Variants in GFRAL observed in about 807,000 individuals in gnomAD.
GFRAL encodes the protein GDNF family receptor alpha-like.
GFRAL carries 36 observed loss-of-function variants against 45.4 expected under a neutral mutation model. That is an observed-to-expected ratio of 0.79 (90% confidence interval 0.61 to 1.05). The LOEUF (loss-of-function observed/expected upper bound fraction) is 1.05, where lower values mean the gene tolerates loss of function less well. Among genes scored for constraint, GFRAL ranks in the 50% least tolerant of loss-of-function variants. The pLI is 0.00. For synonymous variants in GFRAL, 166 were observed against 154.1 expected (o/e 1.08, Z -0.57); for missense variants, 507 against 467.5 (o/e 1.08, Z -0.78).
chr6:55,372,504 T>C (rs1390740448), intron 6 of GFRAL, among the ~76,000 whole-genome samples: 3 of 152,186 alleles, frequency 2.0e-5, no homozygotes, highest in East Asian at 1.9e-4. Context: ...AGCATTAACA[T>C]TGGTCATTTA....
At chr6:55,362,061 A>G (rs1768283010) in intron 6 of GFRAL, among the ~76,000 whole-genome samples, 1 of 151,986 alleles carries the variant, frequency 6.6e-6, no homozygotes, top group African/African-American at 2.4e-5. Context: ...ATTGTTCCCC[A>G]ATGCTGACCA....
rs778778648 is a variant in GFRAL, at chr6:55,401,887, C to T, written c.*34C>T. On this transcript the variant is annotated 3_prime_UTR_variant, in exon 9 of 9. Coordinates refer to ENST00000340465, the MANE Select transcript of GFRAL (RefSeq NM_207410.2). ...GAGTCATGGACCTATAACAATCACT[C>T]TTTTCTCTGCTTTTCTTCTTTCCTC... is the stretch of plus-strand genomic sequence containing the variant. The T allele has an allele frequency of 1.6e-5, 17 of 1,079,890 alleles. No homozygotes were observed. Among genetic ancestry groups the T allele is most frequent in the Admixed American group, 1.8e-5 (1 of 56,738 alleles). 66.9% of individuals were successfully genotyped at this position (1,079,890 alleles called of 1,614,324 possible). A position where few individuals can be genotyped will look rare whatever the true frequency, so the allele number is the denominator to read the frequency against.
chr6:55,390,661 G>A (rs565771621), intron 6 of GFRAL, among the ~76,000 whole-genome samples: 13 of 152,020 alleles, frequency 8.6e-5, no homozygotes, highest in Admixed American at 1.3e-4. Context: ...AGACCAAGGC[G>A]GGCGGATCAC....
At chr6:55,390,350 A>T (rs1279018960) in intron 6 of GFRAL, among the ~76,000 whole-genome samples, 1 of 152,170 alleles carries the variant, frequency 6.6e-6, no homozygotes, top group East Asian at 1.9e-4. Context: ...AAAAACAAAG[A>T]TTGATTTCTA....
rs1181096832 is a variant in GFRAL, at chr6:55,401,795, C to G, written c.1127C>G (p.Ser376Cys). Residue 376 changes from serine to cysteine, a missense_variant, in exon 9 of 9, where the codon TCC (serine) becomes TGC (cysteine). By Grantham distance (112) the Ser-to-Cys change is moderately radical (BLOSUM62 -1). Coordinates refer to ENST00000340465, the MANE Select transcript of GFRAL (RefSeq NM_207410.2). ...TTTACTTTTATTTTATACAGAACTT[C>G]CAGAATATCAAGTAAAGCAAGAGAT... is the stretch of plus-strand genomic sequence containing the variant. ...LLLVMVKLRT[S>C]RISSKARDPS... 6.0e-6 allele frequency: 9 copies of G among 1,507,310 alleles called. No individual in the cohort carries two copies. The highest frequency in any genetic ancestry group is 3.4e-4 in the Middle Eastern group (2 of 5,850). 93.4% of individuals were successfully genotyped at this position (1,507,310 alleles called of 1,614,324 possible). A position where few individuals can be genotyped will look rare whatever the true frequency, so the allele number is the denominator to read the frequency against.
chr6:55,390,895 T>TACACACACAC (rs34769114), intron 6 of GFRAL, among the ~76,000 whole-genome samples: 1,943 of 135,526 alleles, frequency 0.014, 52 homozygotes, highest in African/African-American at 0.049. Context: ...CTCACACACA[T>TACACACACAC]ACACACACAC....
intron 6 of GFRAL, among the ~76,000 whole-genome samples, chr6:55,387,437 G>A (rs1768694095): frequency 6.6e-6 from 1 of 152,124 alleles, no homozygotes; most frequent in South Asian, 2.1e-4. Flanking sequence ...TTTATTATGA[G>A]CATGTGTATT....
At chr6:55,359,627 G>C (rs9475260) in intron 6 of GFRAL, among the ~76,000 whole-genome samples, 17,077 of 151,904 alleles carry the variant, frequency 0.11, 1,049 homozygotes, top group African/African-American at 0.16. Flanking sequence ...CTCGGCTGAG[G>C]CTGTTTGGTC....
At chr6:55,390,061 G>T (rs1561867028) in intron 6 of GFRAL, among the ~76,000 whole-genome samples, 1 of 152,334 alleles carries the variant, frequency 6.6e-6, no homozygotes, top group Admixed American at 6.5e-5. Context: ...AGAAGGGAAA[G>T]CCTTCCTATT....
chr6:55,367,377 G>T (rs866661601), intron 6 of GFRAL, among the ~76,000 whole-genome samples: 4 of 143,396 alleles, frequency 2.8e-5, no homozygotes, highest in South Asian at 4.4e-4. Context: ...CACGCTGATG[G>T]GTCTTGACTC....
At chr6:55,366,447 C>A (rs1033046369) in intron 6 of GFRAL, among the ~76,000 whole-genome samples, 1 of 144,670 alleles carries the variant, frequency 6.9e-6, no homozygotes, top group African/African-American at 2.6e-5. Flanking sequence ...TCCTTCAGTT[C>A]TGCTCTGATT....
At chr6:55,362,129 C>A (rs1484510772) in intron 6 of GFRAL, among the ~76,000 whole-genome samples, 1 of 151,758 alleles carries the variant, frequency 6.6e-6, no homozygotes, top group Non-Finnish European at 1.5e-5. Context: ...GTTTCAAAAA[C>A]ACTTTCTTGG....
intron 5 of GFRAL, among the ~76,000 whole-genome samples, chr6:55,356,776 C>T (rs62419071): frequency 0.16 from 24,819 of 151,486 alleles, 2,348 homozygotes; most frequent in African/African-American, 0.25. Context: ...CTTTAAGATG[C>T]GTTGCTAAGT....
At chr6:55,352,426 G>A (rs13203638) in intron 5 of GFRAL, among the ~76,000 whole-genome samples, 50,225 of 151,864 alleles carry the variant, frequency 0.33, 10,098 homozygotes, top group Non-Finnish European at 0.47. Context: ...GATCTTGCAA[G>A]GAAGAGTCTG....
At chr6:55,338,906 A>G (rs1489560260) in intron 3 of GFRAL, among the ~76,000 whole-genome samples, 1 of 152,160 alleles carries the variant, frequency 6.6e-6, no homozygotes, top group Admixed American at 6.6e-5. Flanking sequence ...GCTATTACAT[A>G]TTTTAAATAG....
In GFRAL at chr6:55,366,291, C is replaced by G. The variant is rs190147832; in HGVS notation, c.952+7153C>G. Among the ~76,000 whole-genome samples the G allele has an allele frequency of 4.3e-3, 646 of 151,942 alleles. 6 individuals are homozygous for G. Among genetic ancestry groups the G allele is most frequent in the African/African-American group, 0.015 (616 of 41,432 alleles). On this transcript the variant is annotated intron_variant, in intron 6 of 8. Coordinates refer to ENST00000340465, the MANE Select transcript of GFRAL (RefSeq NM_207410.2). The stretch of plus-strand genomic sequence containing the variant: ...TCTATGGGATCGGTAGTGACATCCC[C>G]TTTATCATTTTTTATTGCATCTATT...
chr6:55,327,700 T>G (rs528561480), intron 1 of GFRAL, 124 bp downstream of exon 1: 1 of 869,064 alleles, frequency 1.2e-6, no homozygotes, highest in African/African-American at 1.7e-5. Flanking sequence ...AATTACAAAT[T>G]TATGCTTTAA....
intron 6 of GFRAL, among the ~76,000 whole-genome samples, chr6:55,364,481 G>A (rs1413111194): frequency 2.1e-5 from 3 of 144,846 alleles, no homozygotes; most frequent in Non-Finnish European, 3.0e-5. Flanking sequence ...TGTTGCCATT[G>A]CTTTTGGTGC....
chr6:55,395,512 C>G (rs1291743748), intron 6 of GFRAL, among the ~76,000 whole-genome samples: 2 of 151,656 alleles, frequency 1.3e-5, no homozygotes, highest in Non-Finnish European at 2.9e-5. Flanking sequence ...CCATGAAACT[C>G]ATTCTAGATA....
Sources: allele counts gnomAD v4.1 joint callset (sites outside exome capture counted in the v4.1 genomes callset), GRCh38; gene constraint gnomAD v4.1.1; transcripts MANE v1.5; gene names NCBI Gene and HGNC (gene_info 2026-07-23, HGNC 2026-07-21).